The following ZNF790 variants were observed in gnomAD, a reference collection of about 807,000 sequenced individuals.
ZNF790 encodes zinc finger protein 790.
In ZNF790, 8 loss-of-function variants were observed where a neutral mutation model predicts 12.1. The ratio of observed to expected loss-of-function variants is 0.66; its 90% CI spans 0.39 to 1.19. ZNF790 has a LOEUF of 1.19. Among genes scored for constraint, ZNF790 ranks in the 50% most tolerant of loss-of-function variants. The pLI is 0.01. For missense variants in ZNF790, 707 were observed against 752.2 expected (o/e 0.94, Z 0.70); for synonymous variants, 252 against 244.3 (o/e 1.03, Z -0.29).
At chr19:36,826,412 G>A (rs1159798707) in intron 1 of ZNF790, among the ~76,000 whole-genome samples, 2 of 151,632 alleles carry the variant, frequency 1.3e-5, no homozygotes, top group Admixed American at 6.6e-5. Context: ...GTGAAACCCC[G>A]TCTCTACTAA....
chr19:36,823,118 A>G (rs1000854739), intron 4 of ZNF790, among the ~76,000 whole-genome samples, 167 bp downstream of exon 4: 9 of 151,948 alleles, frequency 5.9e-5, no homozygotes, highest in Non-Finnish European at 1.0e-4. Flanking sequence ...AGCTCAGGCA[A>G]CCCACCAAAG....
chr19:36,821,721 TTAC>T, intron 4 of ZNF790, among the ~76,000 whole-genome samples: 1 of 152,020 alleles, frequency 6.6e-6, no homozygotes, highest in African/African-American at 2.4e-5. Flanking sequence ...GTAGCTGGGA[TTAC>T]AGGCGCCCAC....
At chr19:36,825,071 G>A (rs1410551132) in intron 2 of ZNF790, among the ~76,000 whole-genome samples, 2 of 152,238 alleles carry the variant, frequency 1.3e-5, no homozygotes, top group East Asian at 3.9e-4. Flanking sequence ...TACCAGCCTG[G>A]AATAACTAGC....
upstream of ZNF790, among the ~76,000 whole-genome samples, chr19:36,842,732 G>A (rs1262814036): frequency 3.3e-5 from 5 of 151,496 alleles, no homozygotes; most frequent in African/African-American, 4.8e-5. Context: ...GGGGCTGGGC[G>A]CGGTGGCTCA....
intron 1 of ZNF790, among the ~76,000 whole-genome samples, chr19:36,835,347 G>A (rs1008392771): frequency 6.6e-6 from 1 of 152,142 alleles, no homozygotes; most frequent in Non-Finnish European, 1.5e-5. Context: ...GACAAATCAA[G>A]TGTAAGGCAA....
At chr19:36,835,636 TATC>T (rs2072030266) in intron 1 of ZNF790, among the ~76,000 whole-genome samples, 1 of 152,116 alleles carries the variant, frequency 6.6e-6, no homozygotes, top group African/African-American at 2.4e-5. Context: ...ACAAATCTAT[TATC>T]ATATAGTTCA....
rs779735213 is a variant in ZNF790 at position 36,823,992 on chromosome 19, C to CTTTTTTTTTT, written c.10-212_10-203dup. Among the ~76,000 whole-genome samples, 173 of 104,382 alleles carry CTTTTTTTTTT rather than the reference C, an allele frequency of 1.7e-3. 13 individuals are homozygous for CTTTTTTTTTT. The highest frequency in any genetic ancestry group is 6.8e-3 in the African/African-American group (160 of 23,556). 68.5% of individuals were successfully genotyped at this position (104,382 alleles called of 152,430 possible). A position where few individuals can be genotyped will look rare whatever the true frequency, so the allele number is the denominator to read the frequency against. On this transcript the variant is annotated intron_variant, in intron 2 of 4. Transcript: ENST00000356725. The stretch of plus-strand genomic sequence containing the variant: ...GACAAAAGCCAAGTGTCTACATGCT[C>CTTTTTTTTTT]TTTTTTTTTTTTTTTTTTTTTGAGA...
intron 1 of ZNF790, among the ~76,000 whole-genome samples, chr19:36,836,797 C>T (rs988272978): frequency 6.6e-6 from 1 of 152,118 alleles, no homozygotes; most frequent in Admixed American, 6.5e-5. Flanking sequence ...CCCTACCCAA[C>T]AATCAATAGG....
chr19:36,850,467 C>T (rs1488613946), upstream of ZNF790: 2 of 152,316 alleles, frequency 1.3e-5, no homozygotes, highest in Non-Finnish European at 2.9e-5. Context: ...AGATTTATAG[C>T]TAACGGGCTG....
intron 1 of ZNF790, among the ~76,000 whole-genome samples, chr19:36,848,299 A>T (rs2072198426): frequency 6.6e-6 from 1 of 152,226 alleles, no homozygotes; most frequent in Non-Finnish European, 1.5e-5. Context: ...GAAAAGGAAA[A>T]GGGCTGAAGG....
intron 1 of ZNF790, among the ~76,000 whole-genome samples, chr19:36,848,748 G>C (rs1382876498): frequency 6.6e-6 from 1 of 151,752 alleles, no homozygotes; most frequent in Non-Finnish European, 1.5e-5. Context: ...ACAGAGATGG[G>C]GGTTGGGGGG....
At chr19:36,820,589 T>C (rs2071646102) in intron 4 of ZNF790, among the ~76,000 whole-genome samples, 1 of 152,186 alleles carries the variant, frequency 6.6e-6, no homozygotes, top group African/African-American at 2.4e-5. Context: ...GAGATAATTA[T>C]GGGTGATAGT....
intron 1 of ZNF790, among the ~76,000 whole-genome samples, chr19:36,849,502 T>G (rs948124796): frequency 6.6e-6 from 1 of 152,102 alleles, no homozygotes; most frequent in African/African-American, 2.4e-5. Flanking sequence ...GCATCTATTA[T>G]GACGGGTTTC....
Position 36,819,907 on chromosome 19 carries a change from T to C in ZNF790, c.437A>G (p.Glu146Gly), listed in dbSNP as rs2146010034. 1 of 1,614,202 alleles carries C rather than the reference T, an allele frequency of 6.2e-7. No individual in the cohort carries two copies. Among genetic ancestry groups the C allele is most frequent in the East Asian group, 2.2e-5 (1 of 44,866 alleles). Residue 146 changes from glutamate to glycine, a missense_variant, in exon 5 of 5, where the codon GAA (glutamate) becomes GGA (glycine). Transcript: ENST00000356725. ...ATGCTGGTTAAAAGTGGGCCTTTTTTCACAGGTGCGTATCACCTGCTTGAA... is the reference window on the plus strand; with the variant it reads ...ATGCTGGTTAAAAGTGGGCCTTTTTCCACAGGTGCGTATCACCTGCTTGAA... Reference protein sequence around the residue: ...ECFKQVIRTCEKRPTFNQHTV... With the variant: ...ECFKQVIRTCGKRPTFNQHTV...
chr19:36,825,701 A>C lies in ZNF790; in HGVS notation c.-73-9T>G. The C allele has an allele frequency of 6.8e-7, 1 of 1,473,810 alleles. No homozygotes were observed. The highest frequency in any genetic ancestry group is 9.5e-7 in the Non-Finnish European group (1 of 1,052,026). The allele number at this position is 1,473,810 out of a possible 1,614,324, so 91.3% of individuals were successfully genotyped here. A position where few individuals can be genotyped will look rare whatever the true frequency, so the allele number is the denominator to read the frequency against. ...GTGCTGGGAAAGCAGAGCTAGAAGG[A>C]AAGAATCACAAGGTCAGGCCTTTCT... On this transcript the variant is annotated splice_polypyrimidine_tract_variant and intron_variant, in intron 1 of 4. Transcript: ENST00000356725.
chr19:36,844,766 G>C (rs1337454629), intron 1 of ZNF790, among the ~76,000 whole-genome samples: 1 of 152,084 alleles, frequency 6.6e-6, no homozygotes, highest in Non-Finnish European at 1.5e-5. Context: ...AGAAATACTA[G>C]GGCCGGGCGC....
chr19:36,827,074 GTGTA>G (rs1192325757), intron 1 of ZNF790, among the ~76,000 whole-genome samples: 1 of 136,600 alleles, frequency 7.3e-6, no homozygotes, highest in African/African-American at 2.6e-5. Context: ...TGTGTTGTGT[GTGTA>G]TGTGTGTATA....
At chr19:36,824,778 G>A (rs993613985) in intron 2 of ZNF790, among the ~76,000 whole-genome samples, 2 of 152,048 alleles carry the variant, frequency 1.3e-5, no homozygotes, top group African/African-American at 2.4e-5. Flanking sequence ...GGTTTTGTTA[G>A]TTGTAAGCAG....
At chr19:36,833,579 T>C (rs1442458503) in intron 1 of ZNF790, among the ~76,000 whole-genome samples, 1 of 152,202 alleles carries the variant, frequency 6.6e-6, no homozygotes, top group African/African-American at 2.4e-5. Context: ...TATAGGAAGC[T>C]TAAAAGTAAA....
Sources: allele counts gnomAD v4.1 joint callset (sites outside exome capture counted in the v4.1 genomes callset), GRCh38; gene constraint gnomAD v4.1.1; transcripts MANE v1.5; gene names NCBI Gene and HGNC (gene_info 2026-07-23, HGNC 2026-07-21).